Variants in SRPK1 observed in about 807,000 individuals in gnomAD.
SRPK1 encodes SRSF protein kinase 1.
SRPK1 carries 52 observed loss-of-function variants against 89.5 expected under a neutral mutation model. That is an observed-to-expected ratio of 0.58 (90% CI 0.46 to 0.73). The LOEUF is 0.73. Among genes scored for constraint, SRPK1 ranks in the 30% least tolerant of loss-of-function variants. The pLI, the probability that SRPK1 is intolerant of heterozygous loss-of-function variation, is 0.00. For missense variants in SRPK1, 603 were observed against 780.6 expected, an observed-to-expected ratio of 0.77 and a Z score of 2.71; for synonymous variants, 255 against 270.2, an observed-to-expected ratio of 0.94 and a Z score of 0.55.
chr6:35,878,564 C>T (rs1332046633), intron 6 of SRPK1, among the ~76,000 whole-genome samples: 1 of 152,168 alleles, frequency 6.6e-6, no homozygotes, highest in Non-Finnish European at 1.5e-5. Flanking sequence ...TGGCAACCAC[C>T]TATCCCCTAA....
intron 12 of SRPK1, among the ~76,000 whole-genome samples, chr6:35,868,176 T>C (rs917080323): frequency 2.6e-5 from 4 of 152,094 alleles, no homozygotes; most frequent in Admixed American, 6.5e-5. Context: ...GATTTCTCCA[T>C]GTGGTCAGGC....
chr6:35,905,101 CACACCA>C, intron 2 of SRPK1: 1 of 273,722 alleles, frequency 3.7e-6, no homozygotes, highest in Admixed American at 4.7e-5. Flanking sequence ...GACCTATGAT[CACACCA>C]CTGTACTCCA....
At chr6:35,872,908 G>A (rs969208238) in intron 7 of SRPK1, among the ~76,000 whole-genome samples, 180 bp from the exon 8 acceptor site, 2 of 151,060 alleles carry the variant, frequency 1.3e-5, no homozygotes, top group Admixed American at 6.6e-5. Flanking sequence ...CTATGAAAAA[G>A]GCAAGAAATT....
intron 13 of SRPK1, among the ~76,000 whole-genome samples, chr6:35,851,354 G>T (rs911812499): frequency 1.3e-5 from 2 of 151,678 alleles, no homozygotes; most frequent in Non-Finnish European, 2.9e-5. Flanking sequence ...TTGTATTTTT[G>T]GTAGAGACAG....
intron 2 of SRPK1, among the ~76,000 whole-genome samples, chr6:35,896,384 T>A (rs991157593): frequency 6.6e-6 from 1 of 152,198 alleles, no homozygotes; most frequent in African/African-American, 2.4e-5. Context: ...CAAAACAGTT[T>A]GAAGTTTTCC....
intron 2 of SRPK1, among the ~76,000 whole-genome samples, chr6:35,913,564 C>T (rs946504209): frequency 6.6e-6 from 1 of 151,942 alleles, no homozygotes; most frequent in African/African-American, 2.4e-5. Flanking sequence ...TTTGGGAGGC[C>T]AGGGTAGGTG....
At position 35,869,571 on chromosome 6, in the gene SRPK1, T is replaced by C. The variant is rs1582006624; in HGVS notation, c.1322A>G (p.His441Arg). ...AATGCTTTCTTGAAGTTGGCTAATGTGTTGTTCACTGAATGACTGACCTAC... is the reference window on the plus strand; with the variant it reads ...AATGCTTTCTTGAAGTTGGCTAATGCGTTGTTCACTGAATGACTGACCTAC... ...STVGQSFSEQ[H>R]ISQLQESIRA... Residue 441 changes from histidine (H) to arginine (R), a missense_variant, in exon 11 of 16, where the codon CAC becomes CGC. By Grantham distance (29) the His-to-Arg change is conservative (BLOSUM62 0). Transcript: ENST00000373825. 2 of 1,614,008 alleles carry C rather than the reference T, an allele frequency of 1.2e-6. No homozygotes were observed. Among genetic ancestry groups the C allele is most frequent in the African/African-American group, 2.7e-5 (2 of 75,042 alleles).
intron 6 of SRPK1, among the ~76,000 whole-genome samples, chr6:35,883,551 G>A (rs144157774): frequency 1.0e-3 from 157 of 152,162 alleles, no homozygotes; most frequent in African/African-American, 3.6e-3. Flanking sequence ...GTTGAGAGAA[G>A]TATTACAATT....
At chr6:35,893,657 G>GCTA (rs112455677) in intron 2 of SRPK1, among the ~76,000 whole-genome samples, 10,743 of 152,172 alleles carry the variant, frequency 0.071, 1,097 homozygotes, top group African/African-American at 0.23. Context: ...TGTGGATGAT[G>GCTA]CTACCCCAGA....
chr6:35,842,557 C>T lies in SRPK1; in HGVS notation c.1668G>A (p.Gly556=), dbSNP rs541883939. The change falls in exon 14 of 16, where the codon GGG becomes GGA. Residue 556 remains glycine (G), a synonymous_variant. Transcript: ENST00000373825. The part of the protein sequence containing the change: ...TGDYLFEPHS[G]EEYTRDEDHI... ...CACCTTCATCTCGAGTGTACTCTTC[C>T]CCTGAATGAGGTTCAAACAAATAGT... 6.4e-5 allele frequency: 103 copies of T among 1,612,312 alleles called. No homozygotes were observed. Among genetic ancestry groups the T allele is most frequent in the Non-Finnish European group, 8.5e-5 (100 of 1,179,252 alleles).
intron 2 of SRPK1, among the ~76,000 whole-genome samples, chr6:35,899,456 C>G (rs1770697230): frequency 6.6e-6 from 1 of 152,222 alleles, no homozygotes; most frequent in Non-Finnish European, 1.5e-5. Flanking sequence ...CCTCCAGACA[C>G]TCCCAGAATG....
intron 12 of SRPK1, among the ~76,000 whole-genome samples, chr6:35,861,637 C>T (rs529676044): frequency 4.6e-5 from 7 of 152,340 alleles, no homozygotes; most frequent in Admixed American, 3.9e-4. Flanking sequence ...GGACCCTCCC[C>T]GCTCTGGTCC....
intron 13 of SRPK1, among the ~76,000 whole-genome samples, chr6:35,845,983 C>G (rs1236070492): frequency 1.3e-5 from 2 of 152,080 alleles, no homozygotes; most frequent in Admixed American, 1.3e-4. Flanking sequence ...ACAATCCATA[C>G]CAAAGGGAAG....
At chr6:35,860,099 C>G (rs368919916) in intron 12 of SRPK1, among the ~76,000 whole-genome samples, 1 of 152,060 alleles carries the variant, frequency 6.6e-6, no homozygotes, top group African/African-American at 2.4e-5. Context: ...CTCCTGACCT[C>G]GTGATCCGCC....
At chr6:35,840,144 CT>C (rs1412105244) in intron 14 of SRPK1, among the ~76,000 whole-genome samples, 16 of 152,180 alleles carry the variant, frequency 1.1e-4, no homozygotes, top group Admixed American at 8.5e-4. Flanking sequence ...TTAGAAAATA[CT>C]TTTATCGTGT....
At chr6:35,849,264 A>C (rs979093120) in intron 13 of SRPK1, among the ~76,000 whole-genome samples, 1 of 152,192 alleles carries the variant, frequency 6.6e-6, no homozygotes, top group African/African-American at 2.4e-5. Flanking sequence ...ATCATTAGGG[A>C]AATGCAAATT....
chr6:35,919,861 C>G (rs1771189755), intron 2 of SRPK1, among the ~76,000 whole-genome samples: 1 of 152,144 alleles, frequency 6.6e-6, no homozygotes, highest in Non-Finnish European at 1.5e-5. Context: ...GAGGTTTAGA[C>G]AGAAGAGAAG....
At chr6:35,895,939 C>T (rs757387833) in intron 2 of SRPK1, among the ~76,000 whole-genome samples, 1 of 152,196 alleles carries the variant, frequency 6.6e-6, no homozygotes, top group Non-Finnish European at 1.5e-5. Flanking sequence ...GTGGTACACC[C>T]AGAGAGGGCA....
chr6:35,897,716 T>C (rs980045593), intron 2 of SRPK1, among the ~76,000 whole-genome samples: 1 of 152,196 alleles, frequency 6.6e-6, no homozygotes, highest in Non-Finnish European at 1.5e-5. Context: ...CTCACTATGT[T>C]ACCCAGACAA....
Sources: allele counts gnomAD v4.1 joint callset (sites outside exome capture counted in the v4.1 genomes callset), GRCh38; gene constraint gnomAD v4.1.1; transcripts MANE v1.5; gene names NCBI Gene and HGNC (gene_info 2026-07-23, HGNC 2026-07-21).